The following TEX30 variants were observed in gnomAD, a reference collection of about 807,000 sequenced individuals.
TEX30 encodes testis-expressed protein 30.
TEX30 carries 14 observed loss-of-function variants against 23.8 expected under a neutral mutation model. The ratio of observed to expected loss-of-function variants is 0.59; its 90% CI spans 0.39 to 0.92. The LOEUF (loss-of-function observed/expected upper bound fraction) is 0.92, where lower values mean the gene tolerates loss of function less well. TEX30 is among the 40% of genes least tolerant of loss of function. The pLI, the probability that TEX30 is intolerant of heterozygous loss-of-function variation, is 0.00. For missense variants in TEX30, 246 were observed against 270.6 expected, an observed-to-expected ratio of 0.91 and a Z score of 0.64; for synonymous variants, 78 against 90.2, an observed-to-expected ratio of 0.87 and a Z score of 0.76.
chr13:102,767,140 T>C (rs1161855725), intron 5 of TEX30, 133 bp downstream of exon 5: 3 of 852,616 alleles, frequency 3.5e-6, no homozygotes, highest in Non-Finnish European at 5.3e-6. Context: ...AGCAACAGAG[T>C]AACCAGGACA....
At chr13:102,771,902 C>T (rs1212502897) in intron 1 of TEX30, among the ~76,000 whole-genome samples, 1 of 152,224 alleles carries the variant, frequency 6.6e-6, no homozygotes, top group Non-Finnish European at 1.5e-5. Flanking sequence ...CCAGTACCAC[C>T]GCTGTCCAGT....
rs372108505 is a variant in TEX30 at position 102,769,284 on chromosome 13, T to G, written c.246+27A>C. 4 of 1,389,594 alleles carry G rather than the reference T, an allele frequency of 2.9e-6. No homozygotes were observed. The East Asian group carries it at 1.0e-4, about 36-fold the overall frequency. 86.1% of individuals were successfully genotyped at this position (1,389,594 alleles called of 1,614,324 possible). On this transcript the variant is annotated intron_variant, in intron 3 of 5. Transcript: ENST00000376032. ...AAGGATTTCAAACAGAATTCTGTTA[T>G]AAGTAAATATAAAGAAATTTTCTTA...
rs1877069504 is a variant in TEX30, at chr13:102,768,460, A to AGCAGTCCT, written c.247-157_247-150dup. 5 of 539,054 alleles carry AGCAGTCCT rather than the reference A, an allele frequency of 9.3e-6. No individual in the cohort carries two copies. The East Asian group carries it at 1.6e-4, about 18-fold the overall frequency. The allele number at this position is 539,054 out of a possible 1,614,324, so 33.4% of individuals were successfully genotyped here. A position where few individuals can be genotyped will look rare whatever the true frequency, so the allele number is the denominator to read the frequency against. ...TAAGGGATTTTTCTTAAAAGAAGTAAGCAGTCCTTCCTCTTCTGGTCATGC... is the reference window on the plus strand; with the variant it reads ...TAAGGGATTTTTCTTAAAAGAAGTAAGCAGTCCTGCAGTCCTTCCTCTTCTGGTCATGC... On this transcript the variant is annotated intron_variant, in intron 3 of 5. Transcript: ENST00000376032.
intron 1 of TEX30, among the ~76,000 whole-genome samples, chr13:102,771,385 A>G (rs1318605104): frequency 6.6e-6 from 1 of 152,230 alleles, no homozygotes; most frequent in Non-Finnish European, 1.5e-5. Flanking sequence ...TGAAGAATAC[A>G]TTTCATTTTT....
At position 102,769,486 on chromosome 13, in the gene TEX30, G is replaced by C; in HGVS notation, c.71C>G (p.Pro24Arg). The C allele has an allele frequency of 6.2e-7, 1 of 1,607,866 alleles. No individual in the cohort carries two copies. Among genetic ancestry groups the C allele is most frequent in the African/African-American group, 1.3e-5 (1 of 74,654 alleles). Residue 24 changes from proline to arginine, a missense_variant, in exon 3 of 6, where the codon CCT (proline) becomes CGT (arginine). Coordinates refer to ENST00000376032, the MANE Select transcript of TEX30 (RefSeq NM_138779.5). Reference sequence around the variant, plus strand: ...TATTCCATATGTTAAGCTCTTGTTAGGTACCAAACAAACAGCATCTAGTAA... The same window carrying C: ...TATTCCATATGTTAAGCTCTTGTTACGTACCAAACAAACAGCATCTAGTAA... Reference protein sequence around the residue: ...NKLLDAVCLVPNKSLTYGIIL... With the variant: ...NKLLDAVCLVRNKSLTYGIIL...
Position 102,767,137 on chromosome 13 carries a change from G to T in TEX30, c.504+136C>A, listed in dbSNP as rs576582885. On this transcript the variant is annotated intron_variant, in intron 5 of 5. Coordinates refer to ENST00000376032, the MANE Select transcript of TEX30 (RefSeq NM_138779.5). Reference sequence around the variant, plus strand: ...TATTTTTAGGTTCTCAAAAGCAACAGAGTAACCAGGACACAAAACTAGCAT... The same window carrying T: ...TATTTTTAGGTTCTCAAAAGCAACATAGTAACCAGGACACAAAACTAGCAT... The T allele has an allele frequency of 3.0e-5, 25 of 834,400 alleles. No individual in the cohort carries two copies. The Admixed American group carries it at 6.8e-4, about 23-fold the overall frequency. The allele number at this position is 834,400 out of a possible 1,614,324, so 51.7% of individuals were successfully genotyped here.
At chr13:102,770,301 T>C (rs1877232383) in intron 1 of TEX30, 1 of 290,746 alleles carries the variant, frequency 3.4e-6, no homozygotes, top group South Asian at 1.6e-4. Context: ...ACAAAGGTGA[T>C]ACTTTGACAT....
chr13:102,767,892 G>T (rs1348409413), intron 4 of TEX30, among the ~76,000 whole-genome samples: 1 of 151,978 alleles, frequency 6.6e-6, no homozygotes, highest in South Asian at 2.1e-4. Context: ...CAGCCTGGGT[G>T]ACAGAGCAAG....
intron 1 of TEX30, among the ~76,000 whole-genome samples, chr13:102,772,096 T>C (rs1275108332): frequency 2.6e-5 from 4 of 152,230 alleles, no homozygotes; most frequent in Non-Finnish European, 5.9e-5. Context: ...AAGGAGTAAA[T>C]TTAGATGCAT....
chr13:102,766,510 T>C lies in TEX30; in HGVS notation c.575A>G (p.His192Arg), dbSNP rs576660182. The change falls in exon 6 of 6, where the codon CAT becomes CGT. Residue 192 changes from histidine (H) to arginine (R), a missense_variant. Transcript: ENST00000376032. ...CGACCGTCCTTTCACTGCCATGGAA[T>C]GATTTGCCTTCTCAATCCAGTGGAT... ...HKIHWIEKAN[H>R]SMAVKGRSTN... is the part of the protein sequence containing the mutation. 4.5e-5 allele frequency: 73 copies of C among 1,614,098 alleles called. No homozygotes were observed. The South Asian group carries it at 7.7e-4, about 17-fold the overall frequency.
chr13:102,768,929 A>G (rs1877099407), intron 3 of TEX30, among the ~76,000 whole-genome samples: 2 of 152,268 alleles, frequency 1.3e-5, no homozygotes, highest in Admixed American at 6.5e-5. Context: ...CTTTAGTGTT[A>G]TCCAGGATTT....
rs574628046 is a variant in TEX30 at position 102,766,394 on chromosome 13, C to T, written c.*7G>A. The T allele has an allele frequency of 3.2e-4, 509 of 1,611,426 alleles. 9 individuals carry two copies. The South Asian group carries it at 5.3e-3, about 17-fold the overall frequency. On this transcript the variant is annotated 3_prime_UTR_variant, in exon 6 of 6. Transcript: ENST00000376032. ...TGTATGTGTACTCAAGATAACATGG[C>T]TTTTAACTAATGACATTTCTTGTCC...
chr13:102,770,435 A>C (rs374874919), intron 1 of TEX30, among the ~76,000 whole-genome samples: 1 of 152,232 alleles, frequency 6.6e-6, no homozygotes, highest in Admixed American at 6.5e-5. Flanking sequence ...CCTAAACTTA[A>C]TTTTTCAGCA....
At chr13:102,768,161 C>A in intron 4 of TEX30, 99 bp downstream of exon 4, 2 of 1,070,188 alleles carry the variant, frequency 1.9e-6, no homozygotes, top group Non-Finnish European at 2.7e-6. Flanking sequence ...AAAAAAAATC[C>A]TTAAATTAGC....
intron 4 of TEX30, 145 bp from the exon 5 acceptor site, chr13:102,767,623 C>A (rs1357162317): frequency 1.1e-6 from 1 of 872,390 alleles, no homozygotes; most frequent in African/African-American, 1.7e-5. Context: ...TAACAAGTTG[C>A]AATACCAGGC....
rs549468449 is a variant in TEX30, at chr13:102,767,767, G to C, written c.299-289C>G. 5.9e-5 allele frequency among the ~76,000 whole-genome samples: 9 copies of C among 152,154 alleles called. No homozygotes were observed. In the South Asian group the frequency reaches 1.9e-3, roughly 32 times the overall value. On this transcript the variant is annotated intron_variant, in intron 4 of 5. Transcript: ENST00000376032. ...ATCTCTACTAAAAACACAAAAATTA[G>C]CCAGGCATGGTGGTGCACACCTATA...
In TEX30 at chr13:102,767,488, A is replaced by C; in HGVS notation, c.299-10T>G. 6.2e-7 allele frequency: 1 copy of C among 1,612,554 alleles called. No homozygotes were observed. The highest frequency in any genetic ancestry group is 8.5e-7 in the Non-Finnish European group (1 of 1,179,228). ...GAGCCCATTGAACGACCTAAAATCA[A>C]TTAAAATTAAGTTCAGTTTGAAATA... On this transcript the variant is annotated splice_polypyrimidine_tract_variant and intron_variant, in intron 4 of 5. Transcript: ENST00000376032.
chr13:102,767,851 T>C (rs898239743), intron 4 of TEX30, among the ~76,000 whole-genome samples: 1 of 152,050 alleles, frequency 6.6e-6, no homozygotes, highest in Non-Finnish European at 1.5e-5. Flanking sequence ...AGGTGGAGGC[T>C]GCAGTGAGCC....
chr13:102,766,526 T>C lies in TEX30; in HGVS notation c.559A>G (p.Ile187Val). Residue 187 changes from isoleucine (I) to valine (V), a missense_variant, in exon 6 of 6, where the codon ATT (isoleucine) becomes GTT (valine). Physicochemically the swap from Ile to Val is conservative, Grantham distance 29. Transcript: ENST00000376032. Reference sequence around the variant, plus strand: ...GCCATGGAATGATTTGCCTTCTCAATCCAGTGGATTTTATGGGGAGCTTGC... The same window carrying C: ...GCCATGGAATGATTTGCCTTCTCAACCCAGTGGATTTTATGGGGAGCTTGC... Reference protein sequence around the residue: ...KMQAPHKIHWIEKANHSMAVK... With the variant: ...KMQAPHKIHWVEKANHSMAVK... 2 of 1,613,954 alleles carry C rather than the reference T, an allele frequency of 1.2e-6. No homozygotes were observed. The highest frequency in any genetic ancestry group is 1.1e-5 in the South Asian group (1 of 91,048).
Sources: gnomAD v4.1 joint callset for allele counts (sites outside exome capture counted in the v4.1 genomes callset) on GRCh38, gnomAD v4.1.1 for gene constraint, MANE v1.5 for transcripts, NCBI Gene and HGNC (gene_info 2026-07-23, HGNC 2026-07-21) for gene names.